The following RNF216 variants were observed in gnomAD, a reference collection of about 807,000 sequenced individuals.
RNF216 encodes ring finger protein 216.
RNF216 carries 72 observed loss-of-function variants against 110.8 expected under a neutral mutation model. The observed-to-expected ratio is 0.65, with a 90% CI of 0.54 to 0.79. The LOEUF (loss-of-function observed/expected upper bound fraction) is 0.79. Among genes scored for constraint, RNF216 ranks in the 30% least tolerant of loss-of-function variants. The pLI, the probability that RNF216 is intolerant of heterozygous loss-of-function variation, is 0.00. For synonymous variants in RNF216, 495 were observed against 407.5 expected (o/e 1.21, Z -2.59); for missense variants, 1,342 against 1,141.2 (o/e 1.18, Z -2.54).
chr7:5,642,734 C>G (rs1438218336), intron 14 of RNF216, among the ~76,000 whole-genome samples: 1 of 152,130 alleles, frequency 6.6e-6, no homozygotes, highest in African/African-American at 2.4e-5. Context: ...CTGCCTCAGC[C>G]TCCCAAAGTG....
chr7:5,660,942 G>GGTTTTTTTTT lies in RNF216; in HGVS notation c.2062-8442_2062-8433dup, dbSNP rs1221090100. Among the ~76,000 whole-genome samples, 781 of 120,906 alleles carry GGTTTTTTTTT rather than the reference G, an allele frequency of 6.5e-3. 7 individuals carry two copies. Among genetic ancestry groups the GGTTTTTTTTT allele is most frequent in the East Asian group, 0.019 (85 of 4,450 alleles). The allele number at this position is 120,906 out of a possible 152,430, so 79.3% of individuals were successfully genotyped here. A position where few individuals can be genotyped will look rare whatever the true frequency, so the allele number is the denominator to read the frequency against. On this transcript the variant is annotated intron_variant, in intron 13 of 16. Coordinates refer to ENST00000389902, the MANE Select transcript of RNF216 (RefSeq NM_207111.4). ...CTAGCTCCATGCTCCTGAAGCCTTA[G>GGTTTTTTTTT]GTTTTTTTTTTTTTTTTTTTTTTTT...
At chr7:5,639,032 C>G (rs1787572447) in intron 15 of RNF216, among the ~76,000 whole-genome samples, 1 of 152,160 alleles carries the variant, frequency 6.6e-6, no homozygotes, top group Admixed American at 6.5e-5. Flanking sequence ...TAACATCTTC[C>G]TCCACAGACA....
intron 5 of RNF216, among the ~76,000 whole-genome samples, chr7:5,732,217 G>A (rs1213207053): frequency 5.9e-5 from 9 of 152,170 alleles, no homozygotes; most frequent in Admixed American, 1.3e-4. Context: ...GGTGTGCACT[G>A]AGGTTATGCA....
At chr7:5,654,395 C>T (rs1788599237) in intron 13 of RNF216, among the ~76,000 whole-genome samples, 1 of 152,032 alleles carries the variant, frequency 6.6e-6, no homozygotes, top group South Asian at 2.1e-4. Context: ...AAGCCTCAAT[C>T]AGGGTGGGCA....
chr7:5,763,972 C>T (rs996786851), intron 1 of RNF216, among the ~76,000 whole-genome samples: 7 of 151,884 alleles, frequency 4.6e-5, no homozygotes, highest in Non-Finnish European at 1.0e-4. Flanking sequence ...GCGGATCACT[C>T]GAGGTCAGGA....
chr7:5,751,900 T>G (rs1795350578), intron 3 of RNF216, among the ~76,000 whole-genome samples: 1 of 111,726 alleles, frequency 9.0e-6, no homozygotes, highest in Non-Finnish European at 1.9e-5. Context: ...AAAAGTACAA[T>G]GAAAGGGCCA....
At chr7:5,660,409 A>C (rs1444988822) in intron 13 of RNF216, among the ~76,000 whole-genome samples, 1 of 148,078 alleles carries the variant, frequency 6.8e-6, no homozygotes, top group Non-Finnish European at 1.5e-5. Flanking sequence ...CTCCCACCTC[A>C]GCCTCTCGAG....
rs1787186253 is a variant in RNF216, at chr7:5,633,232, C to A, written c.2382+7922G>T. The stretch of plus-strand genomic sequence containing the variant: ...GACCTTGTGATCCACCCGCCTTGGC[C>A]TCCCGAAGTGCTGGGCTTACAGGTG... On this transcript the variant is annotated intron_variant, in intron 15 of 16. Transcript: ENST00000389902. Among the ~76,000 whole-genome samples the A allele has an allele frequency of 5.9e-5, 9 of 151,966 alleles. No individual in the cohort carries two copies. The South Asian group carries it at 1.7e-3, about 28-fold the overall frequency.
intron 9 of RNF216, among the ~76,000 whole-genome samples, chr7:5,717,459 G>C (rs1479548327): frequency 2.0e-5 from 3 of 152,192 alleles, no homozygotes; most frequent in African/African-American, 7.2e-5. Context: ...TGCAAAACAA[G>C]ACAACCACAC....
At chr7:5,701,059 A>T (rs1351661761) in intron 13 of RNF216, among the ~76,000 whole-genome samples, 1 of 152,210 alleles carries the variant, frequency 6.6e-6, no homozygotes, top group African/African-American at 2.4e-5. Flanking sequence ...GAAGGAGCAC[A>T]GCAGTGCTGT....
chr7:5,752,986 G>T lies in RNF216; in HGVS notation c.68-7C>A. 6.2e-7 allele frequency: 1 copy of T among 1,605,558 alleles called. No homozygotes were observed. Among genetic ancestry groups the T allele is most frequent in the Non-Finnish European group, 8.5e-7 (1 of 1,176,890 alleles). On this transcript the variant is annotated splice_region_variant and splice_polypyrimidine_tract_variant and intron_variant, in intron 2 of 16. Transcript: ENST00000389902. ...TCTCGGAGATTGATCCACTCTACAG[G>T]AAAGCAGAGAACACTGTTACTGGGA... is the stretch of plus-strand genomic sequence containing the variant.
intron 7 of RNF216, among the ~76,000 whole-genome samples, chr7:5,727,091 C>T (rs1028755365): frequency 2.0e-5 from 3 of 152,146 alleles, no homozygotes; most frequent in African/African-American, 4.8e-5. Context: ...GCAGGGCAGG[C>T]TGGGGTCCCA....
intron 2 of RNF216, 117 bp from the exon 3 acceptor site, chr7:5,753,096 T>C: frequency 1.0e-6 from 1 of 996,300 alleles, no homozygotes; most frequent in Non-Finnish European, 1.4e-6. Flanking sequence ...TAGTGTAACG[T>C]ACCTCCTCAA....
intron 1 of RNF216, among the ~76,000 whole-genome samples, chr7:5,765,034 G>T (rs980968586): frequency 5.4e-5 from 8 of 147,160 alleles, no homozygotes; most frequent in Non-Finnish European, 8.9e-5. Flanking sequence ...CCAACCCACT[G>T]CACTCCAGCC....
rs373324407 is a variant in RNF216 at position 5,695,229 on chromosome 7, C to A, written c.2061+16532G>T. Among the ~76,000 whole-genome samples the A allele has an allele frequency of 1.6e-3, 239 of 152,332 alleles. 1 individual carries two copies. The highest frequency in any genetic ancestry group is 5.6e-3 in the African/African-American group (234 of 41,570). On this transcript the variant is annotated intron_variant, in intron 13 of 16. Coordinates refer to ENST00000389902, the MANE Select transcript of RNF216 (RefSeq NM_207111.4). The stretch of plus-strand genomic sequence containing the variant: ...CGGCTTATAAATCTAACATCTACAA[C>A]TGCAAGTCAAGAGTACCAAATACCA...
At chr7:5,775,812 T>C (rs1796743440) in intron 1 of RNF216, among the ~76,000 whole-genome samples, 1 of 151,452 alleles carries the variant, frequency 6.6e-6, no homozygotes, top group Non-Finnish European at 1.5e-5. Flanking sequence ...AAGCTTGCAG[T>C]GAGCCTAGAA....
Position 5,752,968 on chromosome 7 carries a change from G to A in RNF216, c.79C>T (p.Leu27Phe), listed in dbSNP as rs1735565527. Residue 27 changes from leucine to phenylalanine, a missense_variant, in exon 3 of 17, where the codon CTC becomes TTC. Leu to Phe is a conservative substitution (Grantham distance 22). Coordinates refer to ENST00000389902, the MANE Select transcript of RNF216 (RefSeq NM_207111.4). ...HCHRGQEWIN[L>F]RDGPITISDS... ...GATATGGTGATGGGCCCATCTCGGA[G>A]ATTGATCCACTCTACAGGAAAGCAG... is the stretch of plus-strand genomic sequence containing the variant. The A allele has an allele frequency of 1.9e-6, 3 of 1,610,956 alleles. No homozygotes were observed. The highest frequency in any genetic ancestry group is 2.5e-6 in the Non-Finnish European group (3 of 1,178,724).
At position 5,769,120 on chromosome 7, in the gene RNF216, CCTTTT is replaced by C. The variant is rs571889579; in HGVS notation, c.-69-7987_-69-7983del. Among the ~76,000 whole-genome samples, 108 of 84,658 alleles carry C rather than the reference CCTTTT, an allele frequency of 1.3e-3. 1 individual carries two copies. In the Admixed American group the frequency reaches 0.014, roughly 11 times the overall value. 55.5% of individuals were successfully genotyped at this position (84,658 alleles called of 152,430 possible). A position where few individuals can be genotyped will look rare whatever the true frequency, so the allele number is the denominator to read the frequency against. ...TAGACACAATTTACAGTTCCAAATG[CCTTTT>C]TTTTTTTTTTTTTGACGGAGTTCCC... On this transcript the variant is annotated intron_variant, in intron 1 of 16. Coordinates refer to ENST00000389902, the MANE Select transcript of RNF216 (RefSeq NM_207111.4).
chr7:5,736,480 C>G (rs1006002797), intron 5 of RNF216, among the ~76,000 whole-genome samples: 19 of 152,326 alleles, frequency 1.2e-4, no homozygotes, highest in African/African-American at 4.6e-4. Flanking sequence ...CAACCTCCAC[C>G]TCCCAGCCGC....
Sources: gnomAD v4.1 joint callset for allele counts (sites outside exome capture counted in the v4.1 genomes callset) on GRCh38, gnomAD v4.1.1 for gene constraint, MANE v1.5 for transcripts, NCBI Gene and HGNC (gene_info 2026-07-23, HGNC 2026-07-21) for gene names.